Variants in BACH2 observed in about 807,000 individuals in gnomAD.
BACH2 encodes the protein BACH transcriptional regulator 2.
A neutral mutation model predicts 61.8 loss-of-function variants in BACH2; 5 were observed. That is an observed-to-expected ratio of 0.08 (90% CI 0.04 to 0.17). The LOEUF is 0.17. Among genes scored for constraint, BACH2 ranks in the 10% least tolerant of loss-of-function variants. The pLI, the probability that BACH2 is intolerant of heterozygous loss-of-function variation, is 1.00. For synonymous variants in BACH2, 446 were observed against 440.1 expected, an observed-to-expected ratio of 1.01 and a Z score of -0.17; for missense variants, 824 against 1,091.1, an observed-to-expected ratio of 0.76 and a Z score of 3.45.
intron 4 of BACH2, among the ~76,000 whole-genome samples, chr6:90,106,753 T>G (rs1015588729): frequency 2.0e-5 from 3 of 152,240 alleles, no homozygotes; most frequent in Non-Finnish European, 4.4e-5. Context: ...AGAAAGGTAC[T>G]GCCAAGTCAA....
chr6:90,083,828 T>C (rs988807195), intron 5 of BACH2, among the ~76,000 whole-genome samples: 1 of 152,208 alleles, frequency 6.6e-6, no homozygotes, highest in African/African-American at 2.4e-5. Context: ...CCTCAGTTAA[T>C]TAGACTATTT....
chr6:90,192,577 C>T (rs898597763), intron 4 of BACH2, among the ~76,000 whole-genome samples: 4 of 152,126 alleles, frequency 2.6e-5, no homozygotes, highest in South Asian at 4.1e-4. Flanking sequence ...ATCCTTTTCT[C>T]CCTCTTGGAA....
intron 5 of BACH2, among the ~76,000 whole-genome samples, chr6:90,030,859 C>T (rs1778939233): frequency 6.6e-6 from 1 of 151,658 alleles, no homozygotes; most frequent in Non-Finnish European, 1.5e-5. Flanking sequence ...TTTTATGAGG[C>T]CAGCATCATC....
chr6:90,114,406 A>C (rs1011969761), intron 4 of BACH2, among the ~76,000 whole-genome samples: 40 of 152,274 alleles, frequency 2.6e-4, no homozygotes, highest in Admixed American at 7.8e-4. Context: ...ACAAAACTAA[A>C]GACAAAAACC....
chr6:90,168,115 T>C (rs1767691577), intron 4 of BACH2, among the ~76,000 whole-genome samples: 1 of 152,150 alleles, frequency 6.6e-6, no homozygotes, highest in African/African-American at 2.4e-5. Context: ...TCTCAGTACT[T>C]TGGGAGGCCA....
At chr6:90,059,043 C>A (rs1380016187) in intron 5 of BACH2, among the ~76,000 whole-genome samples, 1 of 152,144 alleles carries the variant, frequency 6.6e-6, no homozygotes, top group Non-Finnish European at 1.5e-5. Context: ...TTAGGCATTA[C>A]CATTCAGGAC....
At chr6:90,129,159 G>C (rs899816168) in intron 4 of BACH2, among the ~76,000 whole-genome samples, 3 of 152,054 alleles carry the variant, frequency 2.0e-5, no homozygotes, top group Non-Finnish European at 4.4e-5. Flanking sequence ...TATGGCACAT[G>C]TATACATATG....
chr6:90,295,824 T>G (rs1047876888), intron 1 of BACH2, among the ~76,000 whole-genome samples: 1 of 152,250 alleles, frequency 6.6e-6, no homozygotes. Context: ...GATCCAGGTC[T>G]GCGCCGCGAG....
chr6:90,280,476 A>G (rs946767126), intron 1 of BACH2, among the ~76,000 whole-genome samples: 2 of 152,232 alleles, frequency 1.3e-5, no homozygotes, highest in African/African-American at 4.8e-5. Context: ...GGTGTTTTAA[A>G]TTGATAATGT....
chr6:90,036,842 C>T (rs965473687), intron 5 of BACH2, among the ~76,000 whole-genome samples: 1 of 152,084 alleles, frequency 6.6e-6, no homozygotes, highest in Non-Finnish European at 1.5e-5. Context: ...AACCATCACC[C>T]CAGAAAGATC....
chr6:90,239,170 G>A (rs1770351254), intron 3 of BACH2, among the ~76,000 whole-genome samples: 1 of 152,092 alleles, frequency 6.6e-6, no homozygotes, highest in Non-Finnish European at 1.5e-5. Context: ...GGTGTGCCAG[G>A]AACAGCCTAA....
At chr6:90,080,853 C>T (rs557010016) in intron 5 of BACH2, 52 of 848,842 alleles carry the variant, frequency 6.1e-5, no homozygotes, top group Admixed American at 1.2e-4. Flanking sequence ...TCTTCATGCG[C>T]GGTACTCGAG....
chr6:89,935,208 A>C (rs964761781), intron 8 of BACH2, among the ~76,000 whole-genome samples: 14 of 152,254 alleles, frequency 9.2e-5, no homozygotes, highest in South Asian at 2.1e-4. Flanking sequence ...CATCCCTGTC[A>C]GGACATAGCA....
chr6:90,277,347 T>C (rs1262324258), intron 1 of BACH2, among the ~76,000 whole-genome samples: 1 of 152,216 alleles, frequency 6.6e-6, no homozygotes, highest in Non-Finnish European at 1.5e-5. Context: ...ATGCACAATA[T>C]GAGTTAACTG....
chr6:90,009,421 T>A (rs946261524), intron 5 of BACH2, among the ~76,000 whole-genome samples: 6 of 152,234 alleles, frequency 3.9e-5, no homozygotes, highest in Non-Finnish European at 8.8e-5. Flanking sequence ...GAAGACTCAG[T>A]AGAGTCAGCT....
chr6:89,951,156 G>T lies in BACH2; in HGVS notation c.950C>A (p.Ala317Asp). 1 of 1,613,238 alleles carries T rather than the reference G, an allele frequency of 6.2e-7. No homozygotes were observed. The highest frequency in any genetic ancestry group is 1.1e-5 in the South Asian group (1 of 90,978). ...VEMDRKQPSP[A>D]PTPTAPAGAA... ...CCCAGCTGGGGCCGTGGGGGTAGGG[G>T]CAGGGCTGGGCTGTTTCCGGTCCAT... Residue 317 changes from alanine to aspartate, a missense_variant, in exon 7 of 9, where the codon GCC becomes GAC. By Grantham distance (126) the Ala-to-Asp change is moderately radical. Coordinates refer to ENST00000257749, the MANE Select transcript of BACH2 (RefSeq NM_021813.4). This position sits in a 1 kb window ranked among gnomAD's most constrained non-coding sequence, Gnocchi z 6.4.
At chr6:90,085,404 T>C (rs1781892123) in intron 5 of BACH2, among the ~76,000 whole-genome samples, 1 of 152,202 alleles carries the variant, frequency 6.6e-6, no homozygotes, top group African/African-American at 2.4e-5. Flanking sequence ...GGACTCTCTC[T>C]GTGCTCTGTG....
chr6:90,048,982 A>T (rs961454845), intron 5 of BACH2, among the ~76,000 whole-genome samples: 3 of 152,204 alleles, frequency 2.0e-5, no homozygotes, highest in African/African-American at 7.2e-5. Context: ...GGATTGTGTT[A>T]ATGTAAGCAA....
At chr6:90,014,767 CT>C (rs1777965073) in intron 5 of BACH2, among the ~76,000 whole-genome samples, 1 of 151,456 alleles carries the variant, frequency 6.6e-6, no homozygotes, top group Non-Finnish European at 1.5e-5. Context: ...GCTACCGCCC[CT>C]GGCCTTTTTA....
Sources: gnomAD v4.1 joint callset for allele counts (sites outside exome capture counted in the v4.1 genomes callset) on GRCh38, gnomAD v4.1.1 for gene constraint, Gnocchi (gnomAD v3.1) non-coding constraint, MANE v1.5 for transcripts, NCBI Gene and HGNC (gene_info 2026-07-23, HGNC 2026-07-21) for gene names.